The following TTC28 variants were observed in gnomAD, a reference collection of about 807,000 sequenced individuals.
TTC28 encodes tetratricopeptide repeat domain 28, also known as tetratricopeptide repeat protein 28.
TTC28 carries 61 observed loss-of-function variants against 198.0 expected under a neutral mutation model. The ratio of observed to expected loss-of-function variants is 0.31; its 90% CI spans 0.25 to 0.38. The LOEUF (loss-of-function observed/expected upper bound fraction) is 0.38. Among genes scored for constraint, TTC28 ranks in the 10% least tolerant of loss-of-function variants. TTC28 has a pLI of 1.00. For synonymous variants in TTC28, 1,171 were observed against 1,297.8 expected (o/e 0.90, Z 2.10); for missense variants, 2,678 against 3,164.0 (o/e 0.85, Z 3.69).
intron 2 of TTC28, among the ~76,000 whole-genome samples, chr22:28,474,333 T>C (rs1019372611): frequency 1.3e-5 from 2 of 152,172 alleles, no homozygotes; most frequent in Non-Finnish European, 2.9e-5. Flanking sequence ...TCAGAATCCC[T>C]ATAAGGCTCA....
intron 2 of TTC28, among the ~76,000 whole-genome samples, chr22:28,426,179 G>A (rs1302127450): frequency 6.9e-6 from 1 of 144,498 alleles, no homozygotes; most frequent in East Asian, 2.0e-4. Context: ...AACACTGCAC[G>A]CCAGCCTGGG....
chr22:28,211,384 A>G (rs889413753), intron 5 of TTC28, among the ~76,000 whole-genome samples: 2 of 152,130 alleles, frequency 1.3e-5, no homozygotes, highest in Non-Finnish European at 2.9e-5. Flanking sequence ...TATTCAGGAG[A>G]CCCATCTCAC....
At chr22:28,406,234 C>A (rs1191416384) in intron 2 of TTC28, among the ~76,000 whole-genome samples, 1 of 152,200 alleles carries the variant, frequency 6.6e-6, no homozygotes, top group African/African-American at 2.4e-5. Flanking sequence ...GAATAAAATA[C>A]AAGCATAATT....
chr22:28,482,692 A>G (rs1568972139), intron 2 of TTC28, among the ~76,000 whole-genome samples: 1 of 152,194 alleles, frequency 6.6e-6, no homozygotes, highest in African/African-American at 2.4e-5. Flanking sequence ...CCATCCATAA[A>G]GTAAAATCCC....
intron 2 of TTC28, among the ~76,000 whole-genome samples, chr22:28,603,583 T>C (rs1424799122): frequency 2.6e-5 from 4 of 152,066 alleles, no homozygotes; most frequent in Admixed American, 6.6e-5. Flanking sequence ...TTTGTAGAGA[T>C]GGGGTCTGGC....
chr22:28,071,094 G>T (rs1036495537), intron 12 of TTC28, among the ~76,000 whole-genome samples: 1 of 152,076 alleles, frequency 6.6e-6, no homozygotes, highest in Non-Finnish European at 1.5e-5. Context: ...CCAAGGGTGG[G>T]AAAGGTAGTC....
At chr22:28,065,286 G>A (rs1940708353) in intron 12 of TTC28, among the ~76,000 whole-genome samples, 2 of 152,180 alleles carry the variant, frequency 1.3e-5, no homozygotes, top group African/African-American at 4.8e-5. Context: ...GAAAATCCAT[G>A]GATACTAAAG....
intron 5 of TTC28, among the ~76,000 whole-genome samples, chr22:28,229,506 G>A (rs921495612): frequency 2.0e-5 from 3 of 151,942 alleles, no homozygotes; most frequent in Admixed American, 2.0e-4. Context: ...GAAGCAACGA[G>A]CTTGTTCAAG....
At chr22:28,109,271 A>G (rs1414652599) in intron 6 of TTC28, among the ~76,000 whole-genome samples, 1 of 152,258 alleles carries the variant, frequency 6.6e-6, no homozygotes, top group East Asian at 1.9e-4. Flanking sequence ...TGCAGTCATT[A>G]AAAAGATAAT....
intron 2 of TTC28, among the ~76,000 whole-genome samples, chr22:28,344,986 C>G (rs1440502878): frequency 1.3e-5 from 2 of 152,128 alleles, no homozygotes; most frequent in African/African-American, 4.8e-5. Flanking sequence ...AGACGGTAAG[C>G]AGCTTGCCTC....
At chr22:28,587,965 C>T (rs1040608597) in intron 2 of TTC28, among the ~76,000 whole-genome samples, 1 of 151,514 alleles carries the variant, frequency 6.6e-6, no homozygotes. Flanking sequence ...CATGGTGAAA[C>T]CCCGTCTCTA....
intron 1 of TTC28, among the ~76,000 whole-genome samples, chr22:28,655,306 TTATC>T (rs968024093): frequency 2.6e-5 from 4 of 152,206 alleles, no homozygotes; most frequent in Non-Finnish European, 4.4e-5. Flanking sequence ...TTTCCATGTA[TTATC>T]TATCCATTTC....
rs775331570 is a variant in TTC28, at chr22:28,163,134, G to A, written c.1399C>T (p.Leu467Phe). 94 of 1,551,544 alleles carry A rather than the reference G, an allele frequency of 6.1e-5. No homozygotes were observed. The highest frequency in any genetic ancestry group is 5.6e-5 in the Non-Finnish European group (64 of 1,147,002). Residue 467 changes from leucine (L) to phenylalanine (F), a missense_variant, in exon 6 of 23, where the codon CTC becomes TTC. Coordinates refer to ENST00000397906, the MANE Select transcript of TTC28 (RefSeq NM_001145418.2). ...CGCCCCTCTGCAGCCCGGTCCTTGA[G>A]ATCCTCAGCAATGCCCAGCTGCTGC... is the stretch of plus-strand genomic sequence containing the variant. ...HEQQLGIAEDLKDRAAEGRAS... is the reference protein window; with the variant it reads ...HEQQLGIAEDFKDRAAEGRAS...
At chr22:28,567,653 A>C (rs1035776751) in intron 2 of TTC28, among the ~76,000 whole-genome samples, 7 of 151,804 alleles carry the variant, frequency 4.6e-5, no homozygotes, top group African/African-American at 1.7e-4. Flanking sequence ...ATTAGGCAGA[A>C]GAAAAAGGTA....
At chr22:28,239,046 C>T (rs1290714270) in intron 5 of TTC28, among the ~76,000 whole-genome samples, 1 of 152,122 alleles carries the variant, frequency 6.6e-6, no homozygotes, top group Non-Finnish European at 1.5e-5. Context: ...TGCTCTATTT[C>T]CCTTCTGTCA....
chr22:28,089,111 C>T (rs1227853212), intron 12 of TTC28, among the ~76,000 whole-genome samples: 1 of 152,148 alleles, frequency 6.6e-6, no homozygotes, highest in African/African-American at 2.4e-5. Flanking sequence ...TGAGGCGATT[C>T]CTCAGGGATC....
intron 12 of TTC28, among the ~76,000 whole-genome samples, chr22:28,041,141 A>C (rs973500770): frequency 6.6e-6 from 1 of 152,212 alleles, no homozygotes; most frequent in African/African-American, 2.4e-5. Flanking sequence ...CAATATCATG[A>C]AAATGGCCAT....
At chr22:28,058,917 G>C (rs1286178892) in intron 12 of TTC28, among the ~76,000 whole-genome samples, 1 of 151,866 alleles carries the variant, frequency 6.6e-6, no homozygotes, top group Non-Finnish European at 1.5e-5. Context: ...TCTTATCCTT[G>C]TTATGTCCAT....
At chr22:28,045,346 T>C (rs1287306130) in intron 12 of TTC28, among the ~76,000 whole-genome samples, 1 of 152,206 alleles carries the variant, frequency 6.6e-6, no homozygotes, top group Non-Finnish European at 1.5e-5. Flanking sequence ...TGTGAAAGTT[T>C]TGGATTCTGG....
Sources: allele counts gnomAD v4.1 joint callset (sites outside exome capture counted in the v4.1 genomes callset), GRCh38; gene constraint gnomAD v4.1.1; transcripts MANE v1.5; gene names NCBI Gene and HGNC (gene_info 2026-07-23, HGNC 2026-07-21).